The following FRK variants were observed in gnomAD, a reference collection of about 807,000 sequenced individuals.
FRK encodes the protein fyn related Src family tyrosine kinase.
FRK carries 51 observed loss-of-function variants against 56.4 expected under a neutral mutation model. That is an observed-to-expected ratio of 0.90 (90% confidence interval 0.72 to 1.14). The LOEUF (loss-of-function observed/expected upper bound fraction) is 1.14, where lower values mean the gene tolerates loss of function less well. Ranked by LOEUF, FRK falls within the 50% of genes most tolerant of loss-of-function variation. FRK has a pLI of 0.00. For synonymous variants in FRK, 245 were observed against 217.9 expected (o/e 1.12, Z -1.10); for missense variants, 570 against 601.4 (o/e 0.95, Z 0.55).
intron 2 of FRK, among the ~76,000 whole-genome samples, chr6:115,998,630 C>G (rs1052448508): frequency 1.6e-4 from 24 of 152,354 alleles, no homozygotes; most frequent in African/African-American, 4.3e-4. Context: ...TTGGCCCCTG[C>G]CCTCTCTTGT....
rs541539328 is a variant in FRK, at chr6:115,981,558, C to T, written c.467-12819G>A. ...GAAATCTTTCCCTTCTCTCTCAAAA[C>T]TCTCCTAAAACTCTCAAAAAGCCTT... On this transcript the variant is annotated intron_variant, in intron 2 of 7. Coordinates refer to ENST00000606080, the MANE Select transcript of FRK (RefSeq NM_002031.3). 1.8e-4 allele frequency among the ~76,000 whole-genome samples: 28 copies of T among 152,166 alleles called. No homozygotes were observed. The South Asian group carries it at 5.8e-3, about 32-fold the overall frequency.
the FRK span, among the ~76,000 whole-genome samples, chr6:116,083,249 A>C: frequency 1.3e-5 from 2 of 152,216 alleles, no homozygotes; most frequent in East Asian, 3.9e-4. Flanking sequence ...GGCAAAGTTC[A>C]CCTTCATGTG....
At chr6:115,995,836 A>T (rs901793541) in intron 2 of FRK, among the ~76,000 whole-genome samples, 1 of 152,170 alleles carries the variant, frequency 6.6e-6, no homozygotes, top group African/African-American at 2.4e-5. Flanking sequence ...ATAACTTATC[A>T]TTGGTAATGT....
Position 115,936,521 on chromosome 6 carries a change from ACTCCTC to A in FRK, c.*5887_*5892del, listed in dbSNP as rs1164557408. 6.6e-6 allele frequency: 1 copy of A among 152,150 alleles called. No homozygotes were observed. Among genetic ancestry groups the A allele is most frequent in the Non-Finnish European group, 1.5e-5 (1 of 68,040 alleles). 9.4% of individuals were successfully genotyped at this position (152,150 alleles called of 1,614,324 possible). ...GGCCTCAGAAGGTGGGTAATAACAA[ACTCCTC>A]CAAGCTAAAGGAGCATGTTCTAACC... is the stretch of plus-strand genomic sequence containing the variant. On this transcript the variant is annotated 3_prime_UTR_variant, in exon 8 of 8. Transcript: ENST00000606080.
rs1405017923 is a variant in FRK, at chr6:115,942,128, C to A, written c.*286G>T. 1 of 282,544 alleles carries A rather than the reference C, an allele frequency of 3.5e-6. No individual in the cohort carries two copies. The highest frequency in any genetic ancestry group is 9.2e-5 in the East Asian group (1 of 10,882). 17.5% of individuals were successfully genotyped at this position (282,544 alleles called of 1,614,324 possible). On this transcript the variant is annotated 3_prime_UTR_variant, in exon 8 of 8. Transcript: ENST00000606080. The stretch of plus-strand genomic sequence containing the variant: ...TGATTCTCTTGATCGACATTTCAAA[C>A]AATAAATGGAAATGTAAGTATCTCT...
At chr6:115,981,444 A>G (rs972072534) in intron 2 of FRK, among the ~76,000 whole-genome samples, 1 of 152,044 alleles carries the variant, frequency 6.6e-6, no homozygotes, top group Non-Finnish European at 1.5e-5. Context: ...ACATTTAACC[A>G]CTAATTTCCT....
chr6:115,959,618 T>C (rs753609639), intron 4 of FRK, among the ~76,000 whole-genome samples: 2 of 152,176 alleles, frequency 1.3e-5, no homozygotes, highest in Admixed American at 6.5e-5. Context: ...TGAAACTGAA[T>C]TCCTGCACTA....
chr6:115,966,376 C>G (rs1458937372), intron 4 of FRK, among the ~76,000 whole-genome samples: 1 of 152,200 alleles, frequency 6.6e-6, no homozygotes, highest in South Asian at 2.1e-4. Flanking sequence ...GAATGTTGTT[C>G]TAAAGTTGAA....
In FRK at chr6:116,060,033, A is replaced by G. The variant is rs1358504301; in HGVS notation, c.279T>C (p.Ser93=). The change falls in exon 1 of 8, where the codon AGT becomes AGC. Residue 93 remains serine (S), a synonymous_variant. Transcript: ENST00000606080. ...AAGGAATATAGCCTTGTAGTTGCTG[A>G]CTGGAGCCATCTCGTCTTTTCTCCA... ...RHLEKRRDGS[S]QQLQGYIPSN... 26 of 1,614,040 alleles carry G rather than the reference A, an allele frequency of 1.6e-5. No homozygotes were observed. The highest frequency in any genetic ancestry group is 2.2e-5 in the Non-Finnish European group (26 of 1,180,038).
At chr6:116,001,594 A>G (rs1775066914) in intron 2 of FRK, among the ~76,000 whole-genome samples, 1 of 152,180 alleles carries the variant, frequency 6.6e-6, no homozygotes, top group African/African-American at 2.4e-5. Flanking sequence ...GTATCAACCA[A>G]TCAGGACTCA....
chr6:116,041,499 G>A (rs1776711683), intron 1 of FRK, among the ~76,000 whole-genome samples: 1 of 151,480 alleles, frequency 6.6e-6, no homozygotes, highest in Non-Finnish European at 1.5e-5. Context: ...GCAGCTCCCA[G>A]CAAGATCAAC....
At chr6:115,989,787 C>T (rs972614950) in intron 2 of FRK, among the ~76,000 whole-genome samples, 1 of 151,904 alleles carries the variant, frequency 6.6e-6, no homozygotes, top group South Asian at 2.1e-4. Context: ...ATTTCTTTCA[C>T]TTTGTGTAAA....
intron 1 of FRK, among the ~76,000 whole-genome samples, chr6:116,026,542 AGAAG>A (rs10584062): frequency 0.4 from 54,715 of 137,988 alleles, 11,354 homozygotes; most frequent in Middle Eastern, 0.5. Context: ...AAGGGAGGAA[AGAAG>A]GAAGGAAGGA....
rs566320655 is a variant in FRK at position 116,032,635 on chromosome 6, T to C, written c.344+27333A>G. Among the ~76,000 whole-genome samples, 3 of 152,298 alleles carry C rather than the reference T, an allele frequency of 2.0e-5. No individual in the cohort carries two copies. In the East Asian group the frequency reaches 5.8e-4, roughly 29 times the overall value. The stretch of plus-strand genomic sequence containing the variant: ...CATTGTTAATTAATGTTGGTTAATA[T>C]TGGAAGTTCTGTTAATTACAACTAA... On this transcript the variant is annotated intron_variant, in intron 1 of 7. Transcript: ENST00000606080.
At chr6:116,031,920 G>T (rs1398108862) in intron 1 of FRK, among the ~76,000 whole-genome samples, 1 of 152,050 alleles carries the variant, frequency 6.6e-6, no homozygotes, top group Non-Finnish European at 1.5e-5. Flanking sequence ...ATTCCTAAAA[G>T]ATTTTCCCAG....
At position 116,001,055 on chromosome 6, in the gene FRK, C is replaced by T. The variant is rs139968849; in HGVS notation, c.466+2822G>A. On this transcript the variant is annotated intron_variant, in intron 2 of 7. Coordinates refer to ENST00000606080, the MANE Select transcript of FRK (RefSeq NM_002031.3). ...GAGATTGAGACCATCCAGGCTAACA[C>T]GGTGAAACCCCGTCCCTACTAAAAA... Among the ~76,000 whole-genome samples the T allele has an allele frequency of 5.9e-5, 9 of 152,046 alleles. No individual in the cohort carries two copies. In the East Asian group the frequency reaches 7.8e-4, roughly 13 times the overall value.
At position 115,941,429 on chromosome 6, in the gene FRK, A is replaced by C. The variant is rs1174988280; in HGVS notation, c.*985T>G. ...GATGGGTGCAGCAAACCACCATGGCACTTGTACACCTATGTAACAAAACTG... is the reference window on the plus strand; with the variant it reads ...GATGGGTGCAGCAAACCACCATGGCCCTTGTACACCTATGTAACAAAACTG... On this transcript the variant is annotated 3_prime_UTR_variant, in exon 8 of 8. Coordinates refer to ENST00000606080, the MANE Select transcript of FRK (RefSeq NM_002031.3). 2.0e-5 allele frequency: 3 copies of C among 152,158 alleles called. No individual in the cohort carries two copies. Among genetic ancestry groups the C allele is most frequent in the Admixed American group, 6.6e-5 (1 of 15,266 alleles). The allele number at this position is 152,158 out of a possible 1,614,324, so 9.4% of individuals were successfully genotyped here. A position where few individuals can be genotyped will look rare whatever the true frequency, so the allele number is the denominator to read the frequency against.
chr6:116,040,911 T>C (rs1336449274), intron 1 of FRK, among the ~76,000 whole-genome samples: 1 of 152,082 alleles, frequency 6.6e-6, no homozygotes, highest in African/African-American at 2.4e-5. Flanking sequence ...TAAACTAGAA[T>C]ATTTTATAAT....
In FRK at chr6:115,949,672, A is replaced by C. The variant is rs773346888; in HGVS notation, c.959-5247T>G. 6.4e-4 allele frequency among the ~76,000 whole-genome samples: 98 copies of C among 152,296 alleles called. 1 individual carries two copies. Among genetic ancestry groups the C allele is most frequent in the Admixed American group, 9.8e-4 (15 of 15,292 alleles). ...ACCACTGACTTTCTTCATGATTCAGAAAAAACTTCTTTAAATTTCATATGG... is the reference window on the plus strand; with the variant it reads ...ACCACTGACTTTCTTCATGATTCAGCAAAAACTTCTTTAAATTTCATATGG... On this transcript the variant is annotated intron_variant, in intron 5 of 7. Coordinates refer to ENST00000606080, the MANE Select transcript of FRK (RefSeq NM_002031.3).
Sources: allele counts gnomAD v4.1 joint callset (sites outside exome capture counted in the v4.1 genomes callset), GRCh38; gene constraint gnomAD v4.1.1; transcripts MANE v1.5; gene names NCBI Gene and HGNC (gene_info 2026-07-23, HGNC 2026-07-21).